The following DIP2B variants were observed in gnomAD, a reference collection of about 807,000 sequenced individuals.
The protein encoded by DIP2B is disco-interacting protein 2 homolog B.
DIP2B carries 76 observed loss-of-function variants against 198.0 expected under a neutral mutation model. That is an observed-to-expected ratio of 0.38 (90% CI 0.32 to 0.46). DIP2B has a LOEUF of 0.46. Ranked by LOEUF, DIP2B falls within the 20% of genes least tolerant of loss-of-function variation. The probability of loss-of-function intolerance (pLI) is 0.99; values close to 1 mark genes in which losing one functional copy is unlikely to be tolerated. For synonymous variants in DIP2B, 701 were observed against 739.1 expected (o/e 0.95, Z 0.84); for missense variants, 1,559 against 1,978.4 (o/e 0.79, Z 4.02).
chr12:50,586,952 A>G (rs1182020204), intron 1 of DIP2B, among the ~76,000 whole-genome samples: 2 of 152,186 alleles, frequency 1.3e-5, no homozygotes, highest in African/African-American at 4.8e-5. Flanking sequence ...TTGCTTGTAT[A>G]TGCTTCTTTG....
chr12:50,529,859 AAAAAAAGAAAAAAG>A (rs894652709), intron 1 of DIP2B, among the ~76,000 whole-genome samples: 1 of 152,052 alleles, frequency 6.6e-6, no homozygotes, highest in Non-Finnish European at 1.5e-5. Flanking sequence ...CCTCTGTCTC[AAAAAAAGAAAAAAG>A]AAAAAAGAAA....
chr12:50,639,034 A>G (rs1938208372), intron 2 of DIP2B, among the ~76,000 whole-genome samples: 5 of 151,612 alleles, frequency 3.3e-5, no homozygotes, highest in Admixed American at 2.6e-4. Flanking sequence ...TTCTGCCCCC[A>G]TTCGTGATAA....
chr12:50,556,718 A>AT (rs919616569), intron 1 of DIP2B, among the ~76,000 whole-genome samples: 5 of 150,536 alleles, frequency 3.3e-5, no homozygotes, highest in Admixed American at 2.0e-4. Flanking sequence ...AATTTTTTGT[A>AT]TTTTTTTTGA....
intron 37 of DIP2B, 132 bp downstream of exon 37, chr12:50,741,671 G>A: frequency 8.0e-7 from 1 of 1,256,758 alleles, no homozygotes; most frequent in Admixed American, 2.5e-5. Flanking sequence ...TAAGGAAATA[G>A]ACTGATTCTT....
intron 3 of DIP2B, among the ~76,000 whole-genome samples, chr12:50,659,103 C>T (rs1377063616): frequency 6.6e-6 from 1 of 152,116 alleles, no homozygotes; most frequent in African/African-American, 2.4e-5. Flanking sequence ...AACAGGTCAA[C>T]TTACATAGGC....
At position 50,537,114 on chromosome 12, in the gene DIP2B, A is replaced by ATTTTTTTTTTTTTTTTTTTTTTT. The variant is rs34202995; in HGVS notation, c.100+31879_100+31901dup. ...CAGATTGCTTGTTTATTATTCTCTA[A>ATTTTTTTTTTTTTTTTTTTTTTT]TTTTTTTTTTTTTTTTTTTTTTTTT... On this transcript the variant is annotated intron_variant, in intron 1 of 37. Transcript: ENST00000301180. 2.1e-3 allele frequency among the ~76,000 whole-genome samples: 68 copies of ATTTTTTTTTTTTTTTTTTTTTTT among 32,224 alleles called. 13 individuals carry two copies. The highest frequency in any genetic ancestry group is 8.5e-3 in the East Asian group (4 of 468). The allele number at this position is 32,224 out of a possible 152,430, so 21.1% of individuals were successfully genotyped here.
At chr12:50,598,289 C>T (rs1472500367) in intron 1 of DIP2B, among the ~76,000 whole-genome samples, 1 of 151,998 alleles carries the variant, frequency 6.6e-6, no homozygotes, top group African/African-American at 2.4e-5. Context: ...AAGATGTGGC[C>T]TTCTTGAATA....
chr12:50,634,270 T>C (rs1426817866), intron 2 of DIP2B, among the ~76,000 whole-genome samples: 1 of 152,196 alleles, frequency 6.6e-6, no homozygotes, highest in Non-Finnish European at 1.5e-5. Context: ...TTCTAACTTC[T>C]CTGTAAATTA....
rs532815421 is a variant in DIP2B, at chr12:50,745,714, G to T, written c.*875G>T. ...AAAATCTCAGTTTAAAAATCAAAAT[G>T]TTAACACAAAGCTAAGATTCATCAG... is the stretch of plus-strand genomic sequence containing the variant. On this transcript the variant is annotated 3_prime_UTR_variant, in exon 38 of 38. Transcript: ENST00000301180. The T allele has an allele frequency of 1.3e-5, 2 of 152,566 alleles. No homozygotes were observed. Among genetic ancestry groups the T allele is most frequent in the East Asian group, 3.8e-4 (2 of 5,198 alleles). The allele number at this position is 152,566 out of a possible 1,614,324, so 9.5% of individuals were successfully genotyped here.
chr12:50,638,253 G>A (rs753241508), intron 2 of DIP2B, among the ~76,000 whole-genome samples: 8 of 152,168 alleles, frequency 5.3e-5, no homozygotes, highest in Admixed American at 2.0e-4. Flanking sequence ...ATTCCAGCAC[G>A]TATTTGTATT....
intron 1 of DIP2B, among the ~76,000 whole-genome samples, chr12:50,588,223 C>T (rs1958787540): frequency 1.3e-5 from 2 of 151,870 alleles, no homozygotes; most frequent in Non-Finnish European, 2.9e-5. Flanking sequence ...GCGATCTTGG[C>T]TCACTGCAAC....
intron 37 of DIP2B, chr12:50,743,446 C>A (rs1160077249): frequency 6.6e-6 from 1 of 152,194 alleles, no homozygotes; most frequent in East Asian, 1.9e-4. Context: ...AACCCAGTAA[C>A]ACCACTCGGT....
chr12:50,511,090 C>T (rs1220688713), intron 1 of DIP2B, among the ~76,000 whole-genome samples: 1 of 151,498 alleles, frequency 6.6e-6, no homozygotes, highest in Non-Finnish European at 1.5e-5. Context: ...GGATTACAGG[C>T]GCCCTCCACC....
At chr12:50,672,967 T>C (rs1938880358) in intron 5 of DIP2B, among the ~76,000 whole-genome samples, 1 of 152,240 alleles carries the variant, frequency 6.6e-6, no homozygotes, top group Non-Finnish European at 1.5e-5. Flanking sequence ...TGCCCTGGTT[T>C]ATTTGGCCAT....
At chr12:50,516,196 C>A (rs75758664) in intron 1 of DIP2B, among the ~76,000 whole-genome samples, 2,779 of 151,296 alleles carry the variant, frequency 0.018, 36 homozygotes, top group Admixed American at 0.029. Context: ...ATGACCTAAT[C>A]ACCTCCTAGA....
At chr12:50,625,874 A>T in intron 1 of DIP2B, 102 bp from the exon 2 acceptor site, 1 of 1,158,792 alleles carries the variant, frequency 8.6e-7, no homozygotes. Flanking sequence ...CCCTGCCTCT[A>T]TATGGGGTAG....
intron 1 of DIP2B, among the ~76,000 whole-genome samples, chr12:50,595,580 C>T (rs1320984547): frequency 1.3e-5 from 2 of 152,166 alleles, no homozygotes; most frequent in South Asian, 2.1e-4. Flanking sequence ...GCTAGGATTA[C>T]AGGCATGAGC....
intron 3 of DIP2B, among the ~76,000 whole-genome samples, chr12:50,650,124 C>T (rs145826488): frequency 0.013 from 2,026 of 151,990 alleles, 49 homozygotes; most frequent in African/African-American, 0.046. Context: ...GCAGGAGAAT[C>T]GCTTGAACCC....
At chr12:50,618,406 G>A (rs1254025487) in intron 1 of DIP2B, among the ~76,000 whole-genome samples, 4 of 152,192 alleles carry the variant, frequency 2.6e-5, no homozygotes, top group Non-Finnish European at 5.9e-5. Context: ...CAGCTTCTGT[G>A]TCTGTTGTTC....
Sources: gnomAD v4.1 joint callset for allele counts (sites outside exome capture counted in the v4.1 genomes callset) on GRCh38, gnomAD v4.1.1 for gene constraint, MANE v1.5 for transcripts, NCBI Gene and HGNC (gene_info 2026-07-23, HGNC 2026-07-21) for gene names.